The following TKTL1 variants were observed in gnomAD, a reference collection of about 807,000 sequenced individuals.
The protein encoded by TKTL1 is transketolase-like protein 1.
A neutral mutation model predicts 39.3 loss-of-function variants in TKTL1; 1 was observed. The ratio of observed to expected loss-of-function variants is 0.03; its 90% CI spans 0.01 to 0.12. TKTL1 has a LOEUF of 0.12. TKTL1 is among the 10% of genes least tolerant of loss of function. TKTL1 has a pLI of 1.00. For missense variants in TKTL1, 575 were observed against 509.6 expected, an observed-to-expected ratio of 1.13 and a Z score of -1.24; for synonymous variants, 262 against 193.8, an observed-to-expected ratio of 1.35 and a Z score of -2.92.
intron 1 of TKTL1, among the ~76,000 whole-genome samples, chrX:154,300,232 T>C (rs782255647): frequency 8.0e-5 from 9 of 112,091 alleles, no homozygotes; most frequent in Non-Finnish European, 1.5e-4. Flanking sequence ...GCCAGGCTGA[T>C]CTCGGTCTCT....
intron 9 of TKTL1, among the ~76,000 whole-genome samples, chrX:154,325,024 G>C (rs145195487): frequency 9.0e-6 from 1 of 111,695 alleles, no homozygotes; most frequent in Admixed American, 9.5e-5. Flanking sequence ...CATTCTATTC[G>C]GGCTTTCTAG....
At chrX:154,300,093 G>T (rs782408262) in intron 1 of TKTL1, among the ~76,000 whole-genome samples, 1 of 105,776 alleles carries the variant, frequency 9.5e-6, no homozygotes, top group South Asian at 4.2e-4. Context: ...TTGGCTCACT[G>T]CAACCTCTGC....
At chrX:154,296,484 C>T (rs1181424520) in intron 1 of TKTL1, among the ~76,000 whole-genome samples, 1 of 109,818 alleles carries the variant, frequency 9.1e-6, no homozygotes, top group East Asian at 2.9e-4. Flanking sequence ...GGCAACATGG[C>T]GAAACCCCGT....
chrX:154,306,609 T>C (rs782808237), intron 2 of TKTL1, among the ~76,000 whole-genome samples: 1 of 111,699 alleles, frequency 9.0e-6, no homozygotes, highest in African/African-American at 3.3e-5. Flanking sequence ...TTTAAACATG[T>C]CTATAAACTT....
chrX:154,322,229 CAAAAAAAAAA>C (rs34229834), intron 8 of TKTL1, among the ~76,000 whole-genome samples: 2 of 41,861 alleles, frequency 4.8e-5, no homozygotes, highest in African/African-American at 8.0e-5. Flanking sequence ...GAGGCTTTGT[CAAAAAAAAAA>C]AAAAAAAAAA....
In TKTL1 at chrX:154,305,301, C is replaced by T. The variant is rs1394242595; in HGVS notation, c.135-3C>T. ...AATGACCAGTGTCATGTCTGTCTTTCAGCCACCCTACATCATGTAGCAGTT... is the reference window on the plus strand; with the variant it reads ...AATGACCAGTGTCATGTCTGTCTTTTAGCCACCCTACATCATGTAGCAGTT... On this transcript the variant is annotated splice_region_variant and splice_polypyrimidine_tract_variant and intron_variant, in intron 1 of 12. Coordinates refer to ENST00000369915, the MANE Select transcript of TKTL1 (RefSeq NM_012253.4). 2 of 1,202,438 alleles carry T rather than the reference C, an allele frequency of 1.7e-6. No individual in the cohort carries two copies. The highest frequency in any genetic ancestry group is 3.5e-5 in the African/African-American group (2 of 57,038).
intron 6 of TKTL1, among the ~76,000 whole-genome samples, chrX:154,314,325 A>G (rs1281796225): frequency 2.7e-5 from 3 of 111,848 alleles, no homozygotes; most frequent in African/African-American, 9.7e-5. Flanking sequence ...ATACCAATAT[A>G]AAAATTCTAA....
chrX:154,329,891 G>T lies in TKTL1; in HGVS notation c.*203G>T. The T allele has an allele frequency of 2.6e-6, 1 of 391,216 alleles. No individual in the cohort carries two copies. Among genetic ancestry groups the T allele is most frequent in the Non-Finnish European group, 4.2e-6 (1 of 236,618 alleles). The allele number at this position is 391,216 out of a possible 1,213,427, so 32.2% of individuals were successfully genotyped here. On this transcript the variant is annotated 3_prime_UTR_variant, in exon 13 of 13. Transcript: ENST00000369915. Reference sequence around the variant, plus strand: ...ATATGCAAGTACCGCTCTAATTTTTGGATCATTAAAGGGAGTTACACAACT... The same window carrying T: ...ATATGCAAGTACCGCTCTAATTTTTTGATCATTAAAGGGAGTTACACAACT...
intron 7 of TKTL1, among the ~76,000 whole-genome samples, chrX:154,318,718 A>G (rs1157864999): frequency 8.4e-5 from 9 of 107,493 alleles, no homozygotes; most frequent in African/African-American, 3.0e-4. Context: ...AAAAAAAAAA[A>G]AAAAAAAAAA....
intron 12 of TKTL1, among the ~76,000 whole-genome samples, chrX:154,328,551 A>C (rs1313246704): frequency 5.8e-5 from 1 of 17,116 alleles, no homozygotes; most frequent in Non-Finnish European, 7.8e-5. Context: ...GCCTCAAAAA[A>C]AAAAAAAAAA....
At chrX:154,303,165 A>G (rs1197938260) in intron 1 of TKTL1, among the ~76,000 whole-genome samples, 3 of 100,836 alleles carry the variant, frequency 3.0e-5, no homozygotes, top group African/African-American at 1.1e-4. Flanking sequence ...CTCATTCCCC[A>G]TTTTTTAAAA....
At chrX:154,298,979 G>A (rs1223152172) in intron 1 of TKTL1, among the ~76,000 whole-genome samples, 1 of 109,861 alleles carries the variant, frequency 9.1e-6, no homozygotes, top group East Asian at 2.8e-4. Context: ...AAAGTGCTGG[G>A]ATTACAAGTG....
chrX:154,315,207 C>T lies in TKTL1; in HGVS notation c.899C>T (p.Ala300Val), dbSNP rs981926497. The T allele has an allele frequency of 7.4e-6, 9 of 1,209,757 alleles. No individual in the cohort carries two copies. In the Admixed American group the frequency reaches 8.8e-5, roughly 12 times the overall value. The change falls in exon 7 of 13, where the codon GCT becomes GTT. Residue 300 changes from alanine (A) to valine (V), a missense_variant. Ala to Val is a moderately conservative substitution (Grantham distance 64). Coordinates refer to ENST00000369915, the MANE Select transcript of TKTL1 (RefSeq NM_012253.4). ...ATRKACGLALAKLGYANNRVV... is the reference protein window; with the variant it reads ...ATRKACGLALVKLGYANNRVV... Reference sequence around the variant, plus strand: ...CGGAAAGCATGCGGTCTGGCTCTGGCTAAGCTGGGCTACGCGAACAACAGA... The same window carrying T: ...CGGAAAGCATGCGGTCTGGCTCTGGTTAAGCTGGGCTACGCGAACAACAGA...
At chrX:154,320,167 C>T (rs1347862880) in intron 7 of TKTL1, 1 of 112,713 alleles carries the variant, frequency 8.9e-6, no homozygotes, top group Non-Finnish European at 1.9e-5. Context: ...GTCAGGCAGC[C>T]TCTTGGTTTT....
chrX:154,324,195 G>A (rs1557171467), intron 9 of TKTL1, among the ~76,000 whole-genome samples: 2 of 111,077 alleles, frequency 1.8e-5, no homozygotes. Flanking sequence ...CGCCCAGGCT[G>A]GAGTGCAGTG....
chrX:154,297,913 ATTT>A (rs1201941780), intron 1 of TKTL1, among the ~76,000 whole-genome samples: 3 of 111,007 alleles, frequency 2.7e-5, no homozygotes, highest in African/African-American at 6.6e-5. Context: ...AGAAAAAAAA[ATTT>A]TTTTTTGAGG....
At chrX:154,328,850 G>A (rs1455069081) in intron 12 of TKTL1, among the ~76,000 whole-genome samples, 31 of 111,658 alleles carry the variant, frequency 2.8e-4, no homozygotes, top group Non-Finnish European at 7.6e-5. Flanking sequence ...AGGGTGCAGG[G>A]GGGGATCCAC....
intron 9 of TKTL1, among the ~76,000 whole-genome samples, chrX:154,323,961 G>T (rs73629184): frequency 0.026 from 2,926 of 112,698 alleles, 96 homozygotes; most frequent in African/African-American, 0.087. Flanking sequence ...ACGTTCAGCA[G>T]GTTTCCCTTG....
At chrX:154,317,385 T>TG (rs1175831575) in intron 7 of TKTL1, among the ~76,000 whole-genome samples, 1 of 111,314 alleles carries the variant, frequency 9.0e-6, no homozygotes, top group African/African-American at 3.3e-5. Flanking sequence ...TGTGCAGATG[T>TG]GGGAGACAGC....
Sources: gnomAD v4.1 joint callset for allele counts (sites outside exome capture counted in the v4.1 genomes callset) on GRCh38, gnomAD v4.1.1 for gene constraint, MANE v1.5 for transcripts, NCBI Gene and HGNC (gene_info 2026-07-23, HGNC 2026-07-21) for gene names.